The following GALNT7 variants were observed in gnomAD, a reference collection of about 807,000 sequenced individuals.
GALNT7 encodes the protein N-acetylgalactosaminyltransferase 7.
In GALNT7, 60 loss-of-function variants were observed where a neutral mutation model predicts 82.1. The ratio of observed to expected loss-of-function variants is 0.73; its 90% CI spans 0.59 to 0.91. The LOEUF (loss-of-function observed/expected upper bound fraction) is 0.91, where lower values mean the gene tolerates loss of function less well. Ranked by LOEUF, GALNT7 falls within the 40% of genes least tolerant of loss-of-function variation. GALNT7 has a pLI of 0.00. For missense variants in GALNT7, 660 were observed against 804.2 expected (o/e 0.82, Z 2.17); for synonymous variants, 243 against 275.1 (o/e 0.88, Z 1.15).
chr4:173,262,877 A>G (rs1345532106), intron 2 of GALNT7, among the ~76,000 whole-genome samples: 2 of 152,206 alleles, frequency 1.3e-5, no homozygotes, highest in African/African-American at 4.8e-5. Context: ...ATCTTCATCA[A>G]GGAAGACTTA....
At chr4:173,293,516 T>C (rs1445011687) in intron 3 of GALNT7, among the ~76,000 whole-genome samples, 1 of 151,864 alleles carries the variant, frequency 6.6e-6, no homozygotes, top group South Asian at 2.1e-4. Flanking sequence ...CCCTAATATA[T>C]TCAGAAAGTA....
chr4:173,231,043 C>G (rs2126708369), intron 1 of GALNT7, among the ~76,000 whole-genome samples: 1 of 152,352 alleles, frequency 6.6e-6, no homozygotes, highest in Admixed American at 6.5e-5. Context: ...TAAAAATTCA[C>G]AGTAGTACCT....
At chr4:173,300,980 A>AAAAAGGT in intron 6 of GALNT7, among the ~76,000 whole-genome samples, 1 of 152,092 alleles carries the variant, frequency 6.6e-6, no homozygotes, top group Non-Finnish European at 1.5e-5. Flanking sequence ...CAAAATACAT[A>AAAAAGGT]AAAAGGTAGC....
rs1197831586 is a variant in GALNT7 at position 173,323,767 on chromosome 4, T to C, written c.*2050T>C. 1 of 152,608 alleles carries C rather than the reference T, an allele frequency of 6.6e-6. No homozygotes were observed. Among genetic ancestry groups the C allele is most frequent in the African/African-American group, 2.4e-5 (1 of 41,460 alleles). The allele number at this position is 152,608 out of a possible 1,614,324, so 9.5% of individuals were successfully genotyped here. On this transcript the variant is annotated 3_prime_UTR_variant, in exon 12 of 12. Transcript: ENST00000265000. ...TGGAAATAATTCCCATATCCTTGCT[T>C]TGTAAGTTGGTAATATCACTATGCA...
At chr4:173,227,875 T>C (rs1410359804) in intron 1 of GALNT7, among the ~76,000 whole-genome samples, 1 of 152,180 alleles carries the variant, frequency 6.6e-6, no homozygotes, top group African/African-American at 2.4e-5. Context: ...CCAAGTTTGG[T>C]TGTGTTCTCA....
chr4:173,195,879 A>G (rs1732756347), intron 1 of GALNT7, among the ~76,000 whole-genome samples: 1 of 152,258 alleles, frequency 6.6e-6, no homozygotes, highest in African/African-American at 2.4e-5. Context: ...TCTATTAACA[A>G]TTTAAAACCT....
chr4:173,295,722 C>T (rs775771548), intron 4 of GALNT7, 42 bp from the exon 5 acceptor site: 67 of 1,255,508 alleles, frequency 5.3e-5, no homozygotes, highest in Non-Finnish European at 7.1e-5. Flanking sequence ...TATGATGTAA[C>T]GTATATGAGG....
rs1737658543 is a variant in GALNT7 at position 173,317,735 on chromosome 4, A to C, written c.1707+3A>C. Reference sequence around the variant, plus strand: ...GCCACAGGATGGGAGGGAATCAGGTAAACCACCTTACTTTTGTGTTTAAGT... The same window carrying C: ...GCCACAGGATGGGAGGGAATCAGGTCAACCACCTTACTTTTGTGTTTAAGT... On this transcript the variant is annotated splice_donor_region_variant and intron_variant, in intron 10 of 11. Transcript: ENST00000265000. 4.4e-6 allele frequency: 7 copies of C among 1,573,666 alleles called. No individual in the cohort carries two copies. Among genetic ancestry groups the C allele is most frequent in the Non-Finnish European group, 6.1e-6 (7 of 1,143,322 alleles).
At chr4:173,181,595 T>C (rs1426344902) in intron 1 of GALNT7, among the ~76,000 whole-genome samples, 1 of 152,258 alleles carries the variant, frequency 6.6e-6, no homozygotes, top group Admixed American at 6.5e-5. Flanking sequence ...TCATGGCACA[T>C]GTAACACTTC....
chr4:173,315,871 T>C (rs1580017978), intron 9 of GALNT7: 1 of 152,348 alleles, frequency 6.6e-6, no homozygotes, highest in Non-Finnish European at 1.5e-5. Flanking sequence ...CCATCTTTGC[T>C]GATTTCTTGG....
At chr4:173,267,854 T>C (rs1561181777) in intron 2 of GALNT7, among the ~76,000 whole-genome samples, 1 of 152,094 alleles carries the variant, frequency 6.6e-6, no homozygotes, top group Non-Finnish European at 1.5e-5. Context: ...GCTCCACCGG[T>C]TGGAGGTCAC....
intron 2 of GALNT7, among the ~76,000 whole-genome samples, chr4:173,275,519 G>A (rs1735871359): frequency 6.6e-6 from 1 of 152,172 alleles, no homozygotes; most frequent in African/African-American, 2.4e-5. Flanking sequence ...GTCAGAGAAG[G>A]CCACAAGTGG....
intron 1 of GALNT7, among the ~76,000 whole-genome samples, chr4:173,239,585 C>T (rs914699975): frequency 1.3e-5 from 2 of 152,174 alleles, no homozygotes; most frequent in East Asian, 1.9e-4. Context: ...AAACAGGACC[C>T]AGGACCATGG....
At chr4:173,264,132 C>T (rs552197375) in intron 2 of GALNT7, among the ~76,000 whole-genome samples, 4 of 152,172 alleles carry the variant, frequency 2.6e-5, no homozygotes, top group South Asian at 2.1e-4. Flanking sequence ...TTTTCCACCC[C>T]CTCCACCCTT....
chr4:173,204,020 G>T (rs758088742), intron 1 of GALNT7, among the ~76,000 whole-genome samples: 1 of 152,134 alleles, frequency 6.6e-6, no homozygotes, highest in Non-Finnish European at 1.5e-5. Flanking sequence ...GACAAGACTA[G>T]TGGTGATTAA....
intron 2 of GALNT7, among the ~76,000 whole-genome samples, chr4:173,262,517 A>G (rs1735313257): frequency 1.3e-5 from 2 of 152,324 alleles, no homozygotes; most frequent in South Asian, 4.1e-4. Context: ...AAACTGTCAT[A>G]TTTCCAAATT....
intron 1 of GALNT7, among the ~76,000 whole-genome samples, chr4:173,221,903 T>G (rs758612956): frequency 2.6e-5 from 4 of 152,246 alleles, no homozygotes; most frequent in Non-Finnish European, 5.9e-5. Context: ...GGTCAGAGAT[T>G]GTTCTTGTGA....
chr4:173,322,160 T>G lies in GALNT7; in HGVS notation c.*443T>G, dbSNP rs138946471. On this transcript the variant is annotated 3_prime_UTR_variant, in exon 12 of 12. Coordinates refer to ENST00000265000, the MANE Select transcript of GALNT7 (RefSeq NM_017423.3). ...CAACCTGTTGTGTCTTTATTTAATT[T>G]TACATCTTTTTGAAGCACTGCCACA... The G allele has an allele frequency of 2.3e-3, 355 of 153,824 alleles. No homozygotes were observed. The highest frequency in any genetic ancestry group is 4.0e-3 in the Non-Finnish European group (278 of 68,714). The allele number at this position is 153,824 out of a possible 1,614,324, so 9.5% of individuals were successfully genotyped here. A position where few individuals can be genotyped will look rare whatever the true frequency, so the allele number is the denominator to read the frequency against.
At chr4:173,223,128 C>T (rs1334028453) in intron 1 of GALNT7, among the ~76,000 whole-genome samples, 1 of 152,106 alleles carries the variant, frequency 6.6e-6, no homozygotes. Context: ...AAAAGATGAG[C>T]CCTTCAAAAG....
Sources: allele counts gnomAD v4.1 joint callset (sites outside exome capture counted in the v4.1 genomes callset), GRCh38; gene constraint gnomAD v4.1.1; transcripts MANE v1.5; gene names NCBI Gene and HGNC (gene_info 2026-07-23, HGNC 2026-07-21).